The following EFCAB13 variants were observed in gnomAD, a reference collection of about 807,000 sequenced individuals.
EFCAB13 encodes the protein EF-hand calcium binding domain 13, also known as EF-hand calcium-binding domain-containing protein 13.
EFCAB13 carries 91 observed loss-of-function variants against 110.2 expected under a neutral mutation model. The observed-to-expected ratio is 0.83, with a 90% CI of 0.70 to 0.98. The LOEUF (loss-of-function observed/expected upper bound fraction) is 0.98, where lower values mean the gene tolerates loss of function less well. Ranked by LOEUF, EFCAB13 falls within the 50% of genes least tolerant of loss-of-function variation. EFCAB13 has a pLI of 0.00. For synonymous variants in EFCAB13, 323 were observed against 369.9 expected (o/e 0.87, Z 1.45); for missense variants, 968 against 1,119.4 (o/e 0.86, Z 1.93).
chr17:47,347,518 A>G (rs932302055), intron 8 of EFCAB13, among the ~76,000 whole-genome samples: 6 of 152,228 alleles, frequency 3.9e-5, no homozygotes, highest in African/African-American at 1.4e-4. Flanking sequence ...AGTAAGTGCT[A>G]TGGGAACACA....
intron 9 of EFCAB13, among the ~76,000 whole-genome samples, chr17:47,360,674 G>T (rs1042426464): frequency 2.6e-5 from 4 of 152,084 alleles, no homozygotes; most frequent in Non-Finnish European, 5.9e-5. Context: ...CATTGCTTTT[G>T]GTGTTTTAGA....
chr17:47,402,001 T>C (rs1179051230), intron 17 of EFCAB13, 131 bp from the exon 18 acceptor site: 2 of 727,394 alleles, frequency 2.7e-6, no homozygotes, highest in Admixed American at 2.4e-5. Context: ...AATCCTTTGG[T>C]TATTCAAAAA....
At chr17:47,353,707 T>C (rs932803853) in intron 9 of EFCAB13, among the ~76,000 whole-genome samples, 2 of 152,238 alleles carry the variant, frequency 1.3e-5, no homozygotes, top group Non-Finnish European at 2.9e-5. Context: ...CTCATTTATG[T>C]AATAAACATT....
rs16941901 is a variant in EFCAB13, at chr17:47,345,846, T to G, written c.517+748T>G. Among the ~76,000 whole-genome samples, 7 of 152,222 alleles carry G rather than the reference T, an allele frequency of 4.6e-5. No individual in the cohort carries two copies. In the East Asian group the frequency reaches 1.2e-3, roughly 25 times the overall value. Reference sequence around the variant, plus strand: ...CCCTTAGCACCAGTTGGTATTCCCTTTAAGTTTTGGTGTGATCTCTCCTGT... The same window carrying G: ...CCCTTAGCACCAGTTGGTATTCCCTGTAAGTTTTGGTGTGATCTCTCCTGT... On this transcript the variant is annotated intron_variant, in intron 8 of 24. Transcript: ENST00000331493.
intron 14 of EFCAB13, 53 bp downstream of exon 14, chr17:47,379,306 G>A: frequency 7.2e-7 from 1 of 1,388,546 alleles, no homozygotes; most frequent in South Asian, 1.2e-5. Context: ...AGTGTGTTGA[G>A]AAGAATTAGG....
Position 47,328,491 on chromosome 17 carries a change from T to C in EFCAB13, c.30+108T>C, listed in dbSNP as rs895032579. ...AAGCAAATTCATAGAGTAATAGTTA[T>C]AAGGAACCTGGCCAAGTAACTGAGA... On this transcript the variant is annotated intron_variant, in intron 4 of 24. Coordinates refer to ENST00000331493, the MANE Select transcript of EFCAB13 (RefSeq NM_152347.5). The C allele has an allele frequency of 4.5e-6, 4 of 883,974 alleles. No homozygotes were observed. The African/African-American group carries it at 5.1e-5, about 11-fold the overall frequency. The allele number at this position is 883,974 out of a possible 1,614,324, so 54.8% of individuals were successfully genotyped here.
In EFCAB13 at chr17:47,412,818, A is replaced by C. The variant is rs138934971; in HGVS notation, c.2324A>C (p.Lys775Thr). The part of the protein sequence containing the change: ...ANILSHVDNG[K>T]IGIPDLEHAL... ...ATCTTGTCACATGTCGATAATGGCA[A>C]GATTGGTATACCTGATTTGGAGCAT... Residue 775 changes from lysine (K) to threonine (T), a missense_variant, in exon 22 of 25, where the codon AAG becomes ACG. Transcript: ENST00000331493. The C allele has an allele frequency of 3.7e-5, 59 of 1,613,812 alleles. No homozygotes were observed. Among genetic ancestry groups the C allele is most frequent in the Admixed American group, 3.3e-4 (20 of 60,000 alleles).
At chr17:47,341,414 G>C (rs1256189985) in intron 5 of EFCAB13, 2 of 153,098 alleles carry the variant, frequency 1.3e-5, no homozygotes, top group Admixed American at 1.3e-4. Flanking sequence ...GTGTCACCCA[G>C]GCTGGAGTGC....
chr17:47,345,300 G>A (rs922653890), intron 8 of EFCAB13, among the ~76,000 whole-genome samples: 1 of 152,084 alleles, frequency 6.6e-6, no homozygotes, highest in African/African-American at 2.4e-5. Flanking sequence ...GTATTGGTAA[G>A]ATAGGGAAAA....
Position 47,334,596 on chromosome 17 carries a change from T to C in EFCAB13, c.31-600T>C, listed in dbSNP as rs534003985. Among the ~76,000 whole-genome samples, 59 of 152,320 alleles carry C rather than the reference T, an allele frequency of 3.9e-4. 2 individuals are homozygous for C. The highest frequency in any genetic ancestry group is 3.5e-3 in the Admixed American group (53 of 15,284). On this transcript the variant is annotated intron_variant, in intron 4 of 24. Coordinates refer to ENST00000331493, the MANE Select transcript of EFCAB13 (RefSeq NM_152347.5). ...GTATCTTTCTTGGCAAAGAGTATGA[T>C]AAACTTTTGTACCTTGATGCCTTAA...
At chr17:47,396,294 A>T (rs1341418004) in intron 17 of EFCAB13, among the ~76,000 whole-genome samples, 1 of 152,186 alleles carries the variant, frequency 6.6e-6, no homozygotes, top group Non-Finnish European at 1.5e-5. Context: ...ATGTTAAGAG[A>T]TCTATTCAAA....
intron 20 of EFCAB13, among the ~76,000 whole-genome samples, chr17:47,406,544 A>C (rs1413291815): frequency 6.6e-6 from 1 of 152,224 alleles, no homozygotes; most frequent in East Asian, 1.9e-4. Context: ...GAATTCCCTC[A>C]ACTTTTATAT....
chr17:47,360,484 T>G (rs987176451), intron 9 of EFCAB13, among the ~76,000 whole-genome samples: 3 of 152,226 alleles, frequency 2.0e-5, no homozygotes, highest in African/African-American at 7.2e-5. Context: ...TTTATTTTTT[T>G]CTTGTAAATT....
chr17:47,400,465 C>A (rs531115528), intron 17 of EFCAB13, among the ~76,000 whole-genome samples: 1 of 152,270 alleles, frequency 6.6e-6, no homozygotes, highest in South Asian at 2.1e-4. Context: ...CAAATGAGAT[C>A]ACAGGTCATG....
At chr17:47,363,240 T>C (rs2048329576) in intron 10 of EFCAB13, among the ~76,000 whole-genome samples, 1 of 152,124 alleles carries the variant, frequency 6.6e-6, no homozygotes, top group Admixed American at 6.5e-5. Context: ...CAGGCTAATT[T>C]TTATTTTGTA....
intron 4 of EFCAB13, among the ~76,000 whole-genome samples, chr17:47,331,480 A>G (rs2065319183): frequency 6.6e-6 from 1 of 152,068 alleles, no homozygotes; most frequent in South Asian, 2.1e-4. Flanking sequence ...GAGAGTTACC[A>G]TATACCTACT....
intron 23 of EFCAB13, among the ~76,000 whole-genome samples, chr17:47,423,725 AG>A (rs1221397382): frequency 5.9e-5 from 9 of 151,510 alleles, no homozygotes; most frequent in Non-Finnish European, 1.2e-4. Context: ...GGGCGCCGGC[AG>A]GGGCGTTCCC....
intron 8 of EFCAB13, among the ~76,000 whole-genome samples, chr17:47,345,367 T>G (rs1996521): frequency 0.065 from 9,921 of 152,230 alleles, 376 homozygotes; most frequent in East Asian, 0.17. Context: ...GTCTGCATAT[T>G]ACATCCCATG....
chr17:47,437,280 G>A (rs946955574), intron 24 of EFCAB13, among the ~76,000 whole-genome samples: 1 of 152,096 alleles, frequency 6.6e-6, no homozygotes, highest in Non-Finnish European at 1.5e-5. Flanking sequence ...AAGTCCATTT[G>A]TTCCAAGGTA....
Sources: gnomAD v4.1 joint callset for allele counts (sites outside exome capture counted in the v4.1 genomes callset) on GRCh38, gnomAD v4.1.1 for gene constraint, MANE v1.5 for transcripts, NCBI Gene and HGNC (gene_info 2026-07-23, HGNC 2026-07-21) for gene names.